CACNA1D: variants seen among roughly 807,000 people sequenced by gnomAD.
The protein encoded by CACNA1D is voltage-dependent L-type calcium channel subunit alpha-1D.
Under a neutral mutation model 257.1 loss-of-function variants are expected in CACNA1D, and 55 were observed. The ratio of observed to expected loss-of-function variants is 0.21; its 90% CI spans 0.17 to 0.27. The LOEUF (loss-of-function observed/expected upper bound fraction) is 0.27. Ranked by LOEUF, CACNA1D falls within the 10% of genes least tolerant of loss-of-function variation. The pLI, the probability that CACNA1D is intolerant of heterozygous loss-of-function variation, is 1.00. For missense variants in CACNA1D, 1,876 were observed against 2,784.0 expected (o/e 0.67, Z 7.34); for synonymous variants, 980 against 1,014.9 (o/e 0.97, Z 0.65).
intron 8 of CACNA1D, among the ~76,000 whole-genome samples, chr3:53,675,538 C>T (rs996577917): frequency 1.3e-5 from 2 of 152,018 alleles, no homozygotes; most frequent in African/African-American, 2.4e-5. Flanking sequence ...AGGCAGGAAC[C>T]GTTGCCCCAG....
intron 14 of CACNA1D, among the ~76,000 whole-genome samples, chr3:53,726,147 T>A (rs2094932352): frequency 6.6e-6 from 1 of 152,198 alleles, no homozygotes; most frequent in East Asian, 1.9e-4. Context: ...TGTTGTTGAA[T>A]GAAAAAACAA....
chr3:53,734,427 T>G (rs2095037110), intron 19 of CACNA1D, among the ~76,000 whole-genome samples: 1 of 152,130 alleles, frequency 6.6e-6, no homozygotes, highest in South Asian at 2.1e-4. Flanking sequence ...TGTATACATA[T>G]ATTTATGTGT....
chr3:53,539,889 T>C (rs1275751666), intron 3 of CACNA1D, among the ~76,000 whole-genome samples: 1 of 152,256 alleles, frequency 6.6e-6, no homozygotes, highest in Non-Finnish European at 1.5e-5. Context: ...CTTTTCTCCT[T>C]TATGACATTT....
chr3:53,809,445 G>A (rs940402962), intron 46 of CACNA1D: 18 of 186,884 alleles, frequency 9.6e-5, no homozygotes, highest in Admixed American at 2.7e-4. Flanking sequence ...AGCGTTCCCC[G>A]TCCCTCTCTG....
At chr3:53,753,457 G>A in intron 28 of CACNA1D, 115 bp from the exon 29 acceptor site, 2 of 773,764 alleles carry the variant, frequency 2.6e-6, no homozygotes, top group South Asian at 2.8e-5. Flanking sequence ...GCCCAGCGAG[G>A]GTGCTGGGCT....
chr3:53,620,165 A>G (rs567519710), intron 3 of CACNA1D, among the ~76,000 whole-genome samples: 1 of 152,326 alleles, frequency 6.6e-6, no homozygotes, highest in South Asian at 2.1e-4. Flanking sequence ...GAGCCAGGAC[A>G]GGTGTCTAGT....
chr3:53,689,779 C>T (rs2094503568), intron 8 of CACNA1D, among the ~76,000 whole-genome samples: 1 of 152,176 alleles, frequency 6.6e-6, no homozygotes, highest in South Asian at 2.1e-4. Flanking sequence ...CCACTTCACC[C>T]TCCCAAGTAG....
intron 20 of CACNA1D, among the ~76,000 whole-genome samples, chr3:53,738,537 G>T (rs540645247): frequency 6.6e-6 from 1 of 152,266 alleles, no homozygotes; most frequent in South Asian, 2.1e-4. Flanking sequence ...TGACAAACTA[G>T]GCCAGGAGCT....
At position 53,800,575 on chromosome 3, in the gene CACNA1D, C is replaced by T. The variant is rs1414630699; in HGVS notation, c.5040+210C>T. The T allele has an allele frequency of 9.6e-6, 6 of 623,786 alleles. No homozygotes were observed. The highest frequency in any genetic ancestry group is 1.8e-5 in the Non-Finnish European group (6 of 342,194). 38.6% of individuals were successfully genotyped at this position (623,786 alleles called of 1,614,324 possible). The stretch of plus-strand genomic sequence containing the variant: ...GGGCCAGGCCAGCTCTTTCCCTGAG[C>T]TTACCCAGCTTCCCCTCACTGCCTG... On this transcript the variant is annotated intron_variant, in intron 41 of 47. Transcript: ENST00000350061. The surrounding 1 kb of genome is among the most constrained non-coding windows in gnomAD (Gnocchi z 4.3).
intron 3 of CACNA1D, among the ~76,000 whole-genome samples, chr3:53,570,554 A>T (rs890040330): frequency 1.3e-5 from 2 of 152,242 alleles, no homozygotes; most frequent in African/African-American, 4.8e-5. Context: ...ACGGAGCTAT[A>T]TTCATGATAA....
rs1169331179 is a variant in CACNA1D, at chr3:53,751,780, G to A, written c.3548G>A (p.Arg1183His). 9 of 1,614,154 alleles carry A rather than the reference G, an allele frequency of 5.6e-6. No individual in the cohort carries two copies. Among genetic ancestry groups the A allele is most frequent in the East Asian group, 2.2e-5 (1 of 44,882 alleles). The change falls in exon 28 of 48, where the codon CGT becomes CAT. Residue 1183 changes from arginine (R) to histidine (H), a missense_variant. Coordinates refer to ENST00000350061, the MANE Select transcript of CACNA1D (RefSeq NM_001128840.3). The surrounding 1 kb of genome is among the most constrained non-coding windows in gnomAD (Gnocchi z 4.3). The part of the protein sequence containing the change: ...RQCVEYALKA[R>H]PLRRYIPKNP... The stretch of plus-strand genomic sequence containing the variant: ...TGTGTTGAATACGCCTTGAAAGCAC[G>A]TCCCTTGCGGAGATACATCCCCAAA...
chr3:53,774,433 G>A lies in CACNA1D; in HGVS notation c.4111-154G>A, dbSNP rs2095385032. The A allele has an allele frequency of 1.5e-6, 1 of 657,082 alleles. No individual in the cohort carries two copies. Among genetic ancestry groups the A allele is most frequent in the Admixed American group, 2.1e-5 (1 of 46,642 alleles). The allele number at this position is 657,082 out of a possible 1,614,324, so 40.7% of individuals were successfully genotyped here. On this transcript the variant is annotated intron_variant, in intron 33 of 47. Coordinates refer to ENST00000350061, the MANE Select transcript of CACNA1D (RefSeq NM_001128840.3). The surrounding 1 kb of genome is among the most constrained non-coding windows in gnomAD (Gnocchi z 4.3). ...AACCTGCTGCCTGGCACATGGTTGT[G>A]CCTGGCAGATCTTTTTTGAATGAGT...
Position 53,808,664 on chromosome 3 carries a change from CCTT to C in CACNA1D, c.5767_5769del (p.Phe1923del), listed in dbSNP as rs72556363. ...GCTTTCCCAGCCCACCGGAGATCCT[CCTT>C]CAACTTTGAGTGCCTGCGCCGGCAG... is the stretch of plus-strand genomic sequence containing the variant. On this transcript the variant is annotated inframe_deletion, in exon 46 of 48. Coordinates refer to ENST00000350061, the MANE Select transcript of CACNA1D (RefSeq NM_001128840.3). The C allele has an allele frequency of 4.3e-3, 6,842 of 1,608,994 alleles. 26 individuals carry two copies. The highest frequency in any genetic ancestry group is 5.5e-3 in the Non-Finnish European group (6,437 of 1,179,980).
chr3:53,658,976 T>C (rs1002463673), intron 4 of CACNA1D, among the ~76,000 whole-genome samples: 1 of 152,224 alleles, frequency 6.6e-6, no homozygotes, highest in Non-Finnish European at 1.5e-5. Context: ...TTTTATGGAC[T>C]CGGTGTCTTG....
Position 53,781,609 on chromosome 3 carries a change from G to A in CACNA1D, c.4734G>A (p.Lys1578=). The A allele has an allele frequency of 6.2e-7, 1 of 1,614,172 alleles. No homozygotes were observed. Among genetic ancestry groups the A allele is most frequent in the Non-Finnish European group, 8.5e-7 (1 of 1,179,984 alleles). ...QANEELRAVI[K]KIWKKTSMKL... The stretch of plus-strand genomic sequence containing the variant: ...ATGAAGAACTTCGGGCTGTGATAAA[G>A]AAAATTTGGAAGAAAACCAGCATGA... Residue 1578 remains lysine, a synonymous_variant, in exon 39 of 48, where the codon AAG becomes AAA. Transcript: ENST00000350061.
intron 3 of CACNA1D, among the ~76,000 whole-genome samples, chr3:53,511,049 A>G (rs143099500): frequency 6.6e-6 from 1 of 152,196 alleles, no homozygotes. Context: ...GACTGGTTTC[A>G]TGACAAATAC....
intron 3 of CACNA1D, among the ~76,000 whole-genome samples, chr3:53,538,135 T>G (rs2092169524): frequency 6.8e-6 from 1 of 147,592 alleles, no homozygotes; most frequent in African/African-American, 2.6e-5. Flanking sequence ...TTTACCAGTT[T>G]TTGAAGTTTT....
At chr3:53,734,391 C>T (rs76163957) in intron 19 of CACNA1D, among the ~76,000 whole-genome samples, 2,069 of 151,768 alleles carry the variant, frequency 0.014, 55 homozygotes, top group African/African-American at 0.047. Flanking sequence ...TATATACACA[C>T]ATATACTTTA....
At position 53,494,632 on chromosome 3, in the gene CACNA1D, G is replaced by C. The variant is rs997037178; in HGVS notation, c.-535G>C. 6.8e-6 allele frequency: 1 copy of C among 146,152 alleles called. No individual in the cohort carries two copies. The highest frequency in any genetic ancestry group is 1.5e-5 in the Non-Finnish European group (1 of 65,652). 9.1% of individuals were successfully genotyped at this position (146,152 alleles called of 1,614,324 possible). On this transcript the variant is annotated 5_prime_UTR_variant, in exon 1 of 48. Transcript: ENST00000350061. ...GGGCGAAGCCGGCGTGCGGCGCGGC[G>C]CGGCGGGCGCGGAGCGAGCGGGCGG...
Sources: allele counts gnomAD v4.1 joint callset (sites outside exome capture counted in the v4.1 genomes callset), GRCh38; gene constraint gnomAD v4.1.1; non-coding constraint Gnocchi (gnomAD v3.1); transcripts MANE v1.5; gene names NCBI Gene and HGNC (gene_info 2026-07-23, HGNC 2026-07-21).